Variants in CLNK observed in about 807,000 individuals in gnomAD.
CLNK encodes the protein cytokine dependent hematopoietic cell linker, also known as cytokine-dependent hematopoietic cell linker.
A neutral mutation model predicts 68.6 loss-of-function variants in CLNK; 74 were observed. That is an observed-to-expected ratio of 1.08 (90% CI 0.89 to 1.31). CLNK has a LOEUF of 1.31. Ranked by LOEUF, CLNK falls within the 50% of genes most tolerant of loss-of-function variation. The pLI is 0.00. For synonymous variants in CLNK, 198 were observed against 172.2 expected (o/e 1.15, Z -1.17); for missense variants, 553 against 515.3 (o/e 1.07, Z -0.71).
At chr4:10,706,839 C>G in the CLNK span, among the ~76,000 whole-genome samples, 1 of 152,152 alleles carries the variant, frequency 6.6e-6, no homozygotes, top group Non-Finnish European at 1.5e-5. Context: ...CTGAAAGGAC[C>G]ACCCTCTTGG....
chr4:10,550,905 G>A (rs1190085019), intron 8 of CLNK, among the ~76,000 whole-genome samples: 1 of 152,114 alleles, frequency 6.6e-6, no homozygotes, highest in African/African-American at 2.4e-5. Context: ...GTAAAATAAG[G>A]GTGACTTGAA....
intron 8 of CLNK, among the ~76,000 whole-genome samples, chr4:10,551,847 A>AAT (rs200702045): frequency 3.8e-4 from 54 of 141,660 alleles, no homozygotes; most frequent in Non-Finnish European, 3.7e-4. Context: ...AGAGAATTGT[A>AAT]ATTTTTTTTT....
At chr4:10,728,845 C>T in the CLNK span, among the ~76,000 whole-genome samples, 7 of 152,068 alleles carry the variant, frequency 4.6e-5, no homozygotes, top group African/African-American at 1.7e-4. Context: ...GTGATCTGCC[C>T]GCCTTGGCCT....
chr4:10,547,404 C>T (rs1259919067), intron 8 of CLNK, among the ~76,000 whole-genome samples: 7 of 152,176 alleles, frequency 4.6e-5, no homozygotes, highest in East Asian at 3.8e-4. Context: ...TCAACACCAC[C>T]GTCAAGGCCA....
At chr4:10,645,323 G>A (rs1031527755) in intron 2 of CLNK, among the ~76,000 whole-genome samples, 1 of 152,188 alleles carries the variant, frequency 6.6e-6, no homozygotes, top group African/African-American at 2.4e-5. Context: ...TCTAGTCATT[G>A]CCCAGCCCAT....
the CLNK span, among the ~76,000 whole-genome samples, chr4:10,707,242 T>C: frequency 6.6e-6 from 1 of 151,994 alleles, no homozygotes; most frequent in Non-Finnish European, 1.5e-5. Flanking sequence ...TAAAAAAAAA[T>C]CACAAAAAAA....
At chr4:10,532,190 C>A in intron 12 of CLNK, 66 bp downstream of exon 12, 2 of 1,147,216 alleles carry the variant, frequency 1.7e-6, no homozygotes, top group Admixed American at 1.8e-5. Context: ...TAGAATCTTG[C>A]CTATTGCAGA....
chr4:10,587,851 A>C (rs1328886872), intron 3 of CLNK, among the ~76,000 whole-genome samples: 7 of 152,140 alleles, frequency 4.6e-5, no homozygotes, highest in Non-Finnish European at 1.0e-4. Context: ...AGGAAATGGC[A>C]AGTCCTGCTT....
chr4:10,584,202 G>A (rs1186045293), intron 4 of CLNK, among the ~76,000 whole-genome samples: 2 of 152,208 alleles, frequency 1.3e-5, no homozygotes, highest in African/African-American at 4.8e-5. Context: ...GCTGCTGGGT[G>A]GGACATGCTG....
chr4:10,725,900 A>G, the CLNK span, among the ~76,000 whole-genome samples: 1 of 152,184 alleles, frequency 6.6e-6, no homozygotes, highest in Admixed American at 6.5e-5. Context: ...AGATTCCTAT[A>G]AATGCGGTAT....
At chr4:10,523,220 G>GAAA (rs1332900338) in intron 14 of CLNK, among the ~76,000 whole-genome samples, 1 of 152,206 alleles carries the variant, frequency 6.6e-6, no homozygotes, top group African/African-American at 2.4e-5. Context: ...TTACCGGGAT[G>GAAA]AAAAGCTTTG....
chr4:10,530,364 C>A (rs1416237029), intron 12 of CLNK, among the ~76,000 whole-genome samples: 1 of 152,172 alleles, frequency 6.6e-6, no homozygotes, highest in East Asian at 1.9e-4. Flanking sequence ...TTCTAGTCCA[C>A]AAGACAGTGT....
At chr4:10,606,799 C>T (rs1204984051) in intron 2 of CLNK, among the ~76,000 whole-genome samples, 2 of 152,066 alleles carry the variant, frequency 1.3e-5, no homozygotes, top group East Asian at 1.9e-4. Context: ...TATATATACA[C>T]ACACACATAG....
intron 2 of CLNK, among the ~76,000 whole-genome samples, chr4:10,663,340 C>T (rs1049265839): frequency 1.3e-5 from 2 of 152,208 alleles, no homozygotes; most frequent in Non-Finnish European, 2.9e-5. Flanking sequence ...AGAATCATGA[C>T]ATCCGGATCC....
chr4:10,620,631 C>T (rs911048625), intron 2 of CLNK, among the ~76,000 whole-genome samples: 2 of 152,140 alleles, frequency 1.3e-5, no homozygotes, highest in South Asian at 4.1e-4. Context: ...CTCTCAAAAC[C>T]GAGACCCAGT....
At chr4:10,647,139 A>C (rs1216957514) in intron 2 of CLNK, among the ~76,000 whole-genome samples, 1 of 152,206 alleles carries the variant, frequency 6.6e-6, no homozygotes, top group Non-Finnish European at 1.5e-5. Flanking sequence ...AAGTGGGTCC[A>C]GTCTCTATGT....
At chr4:10,701,411 C>G in the CLNK span, among the ~76,000 whole-genome samples, 3 of 152,216 alleles carry the variant, frequency 2.0e-5, no homozygotes, top group African/African-American at 7.2e-5. Context: ...GCATTATTTG[C>G]TGCTACTGCA....
chr4:10,609,518 A>C (rs997172788), intron 2 of CLNK, among the ~76,000 whole-genome samples: 3 of 152,200 alleles, frequency 2.0e-5, no homozygotes, highest in Non-Finnish European at 4.4e-5. Context: ...AACTTCTACC[A>C]AAACTCTGGA....
At chr4:10,557,637 C>A (rs1489909516) in intron 8 of CLNK, among the ~76,000 whole-genome samples, 3 of 152,344 alleles carry the variant, frequency 2.0e-5, no homozygotes, top group South Asian at 2.1e-4. Flanking sequence ...TAAGTAGTTT[C>A]TTTGCCATAA....
Sources: allele counts gnomAD v4.1 joint callset (sites outside exome capture counted in the v4.1 genomes callset), GRCh38; gene constraint gnomAD v4.1.1; transcripts MANE v1.5; gene names NCBI Gene and HGNC (gene_info 2026-07-23, HGNC 2026-07-21).